Variants in MIPEP observed in about 807,000 individuals in gnomAD.
The protein encoded by MIPEP is mitochondrial intermediate peptidase.
MIPEP carries 79 observed loss-of-function variants against 90.3 expected under a neutral mutation model. The observed-to-expected ratio is 0.87, with a 90% CI of 0.73 to 1.05. The LOEUF is 1.05. MIPEP is among the 50% of genes least tolerant of loss of function. The pLI is 0.00. For synonymous variants in MIPEP, 334 were observed against 315.8 expected (o/e 1.06, Z -0.61); for missense variants, 940 against 905.6 (o/e 1.04, Z -0.49).
intron 1 of MIPEP, among the ~76,000 whole-genome samples, chr13:23,887,387 C>G (rs1385251665): frequency 4.6e-5 from 7 of 152,208 alleles, no homozygotes; most frequent in Non-Finnish European, 1.0e-4. Flanking sequence ...CACAATCCTA[C>G]AGAACAGAGT....
rs77024514 is a variant in MIPEP, at chr13:23,871,383, T to C, written c.604-1188A>G. ...AGGAGAAGGGCTGAATTTTCAGTTA[T>C]TGGCTACTCAAAAACTAGACAGGCT... On this transcript the variant is annotated intron_variant, in intron 5 of 18. Transcript: ENST00000382172. Among the ~76,000 whole-genome samples the C allele has an allele frequency of 4.3e-3, 657 of 152,302 alleles. 8 individuals carry two copies. Among genetic ancestry groups the C allele is most frequent in the African/African-American group, 0.015 (604 of 41,564 alleles).
chr13:23,793,798 G>C (rs1184783715), intron 16 of MIPEP, among the ~76,000 whole-genome samples: 2 of 151,646 alleles, frequency 1.3e-5, no homozygotes, highest in Admixed American at 6.6e-5. Context: ...AGAAGGCAAA[G>C]GGAGCAGAAA....
chr13:23,854,287 C>T (rs1869953040), intron 10 of MIPEP, among the ~76,000 whole-genome samples: 1 of 141,214 alleles, frequency 7.1e-6, no homozygotes, highest in Non-Finnish European at 1.5e-5. Context: ...TTTTCTTAAA[C>T]AATTTTTTCT....
At chr13:23,756,485 A>T (rs747015380) in intron 18 of MIPEP, 60 bp downstream of exon 18, 6 of 1,533,198 alleles carry the variant, frequency 3.9e-6, no homozygotes, top group Non-Finnish European at 3.6e-6. Flanking sequence ...TGAAAAAAAC[A>T]TATGGAGAAA....
intron 17 of MIPEP, 62 bp downstream of exon 17, chr13:23,760,034 T>C: frequency 1.9e-6 from 3 of 1,605,174 alleles, no homozygotes; most frequent in Non-Finnish European, 2.6e-6. Context: ...GACTTCCAGA[T>C]GTAATAGAGT....
intron 9 of MIPEP, among the ~76,000 whole-genome samples, chr13:23,860,645 T>C (rs1206362023): frequency 7.0e-6 from 1 of 142,984 alleles, no homozygotes. Context: ...ATCTGCTTTT[T>C]AGACAAATCC....
At chr13:23,849,355 C>A (rs567309632) in intron 10 of MIPEP, among the ~76,000 whole-genome samples, 1 of 152,330 alleles carries the variant, frequency 6.6e-6, no homozygotes, top group African/African-American at 2.4e-5. Flanking sequence ...GGCTTCAGTG[C>A]CATCCCTGTC....
chr13:23,810,444 G>A (rs1566001775), intron 14 of MIPEP, among the ~76,000 whole-genome samples: 1 of 152,178 alleles, frequency 6.6e-6, no homozygotes, highest in South Asian at 2.1e-4. Context: ...GAACTGTAGA[G>A]CTTGGACACT....
chr13:23,731,398 A>C (rs1472957588), intron 18 of MIPEP, among the ~76,000 whole-genome samples: 1 of 152,216 alleles, frequency 6.6e-6, no homozygotes, highest in East Asian at 1.9e-4. Context: ...AGGCTCAGTC[A>C]CAACATGAAG....
chr13:23,819,718 T>A (rs1429504359), intron 14 of MIPEP, among the ~76,000 whole-genome samples: 14 of 149,666 alleles, frequency 9.4e-5, no homozygotes, highest in East Asian at 7.8e-4. Context: ...AAAAAAAAAA[T>A]AGAAAAAAAG....
At chr13:23,833,498 G>A (rs914331486) in intron 14 of MIPEP, among the ~76,000 whole-genome samples, 4 of 152,056 alleles carry the variant, frequency 2.6e-5, no homozygotes, top group African/African-American at 9.7e-5. Flanking sequence ...CATCTATCTT[G>A]GATTAGATTT....
intron 16 of MIPEP, among the ~76,000 whole-genome samples, chr13:23,797,429 C>T (rs185455120): frequency 6.6e-6 from 1 of 152,110 alleles, no homozygotes; most frequent in Non-Finnish European, 1.5e-5. Context: ...CAGCTACCAC[C>T]CCTCCTGTAC....
chr13:23,801,331 T>C (rs971665954), intron 16 of MIPEP, among the ~76,000 whole-genome samples: 1 of 152,184 alleles, frequency 6.6e-6, no homozygotes, highest in African/African-American at 2.4e-5. Context: ...TGCACTGTTC[T>C]CAGGTCTGTT....
rs890641277 is a variant in MIPEP at position 23,797,984 on chromosome 13, C to T, written c.1848+7966G>A. 6.6e-5 allele frequency among the ~76,000 whole-genome samples: 10 copies of T among 152,280 alleles called. No individual in the cohort carries two copies. The South Asian group carries it at 1.0e-3, about 16-fold the overall frequency. ...CAAATACACATCTAAAAGGCTATTT[C>T]GAATACAGGCTCCATGAGAGCAAGG... On this transcript the variant is annotated intron_variant, in intron 16 of 18. Transcript: ENST00000382172.
chr13:23,835,902 A>G (rs1024278438), intron 14 of MIPEP, among the ~76,000 whole-genome samples: 8 of 152,234 alleles, frequency 5.3e-5, no homozygotes, highest in African/African-American at 1.9e-4. Context: ...TAGAAGTGAG[A>G]CAGGCTCGAA....
chr13:23,803,682 T>C (rs1257343866), intron 16 of MIPEP, among the ~76,000 whole-genome samples: 1 of 152,226 alleles, frequency 6.6e-6, no homozygotes, highest in Non-Finnish European at 1.5e-5. Flanking sequence ...ACACCAGTGT[T>C]AGACTGTCTT....
At chr13:23,876,824 AGT>A (rs1304765058) in intron 4 of MIPEP, among the ~76,000 whole-genome samples, 2 of 152,162 alleles carry the variant, frequency 1.3e-5, no homozygotes, top group Non-Finnish European at 2.9e-5. Flanking sequence ...CAAGATTACC[AGT>A]AGTTTTATAA....
chr13:23,823,973 G>A lies in MIPEP; in HGVS notation c.1653+12267C>T, dbSNP rs1013687879. On this transcript the variant is annotated intron_variant, in intron 14 of 18. Coordinates refer to ENST00000382172, the MANE Select transcript of MIPEP (RefSeq NM_005932.4). ...ATACTGCCTTACCAAAGAGAGGAAG[G>A]TGTCAACTGTATCCTTGGGGTAAAC... Among the ~76,000 whole-genome samples, 7 of 152,222 alleles carry A rather than the reference G, an allele frequency of 4.6e-5. No homozygotes were observed. In the East Asian group the frequency reaches 1.3e-3, roughly 29 times the overall value.
At chr13:23,790,544 C>A (rs767377) in intron 16 of MIPEP, among the ~76,000 whole-genome samples, 115,626 of 152,112 alleles carry the variant, frequency 0.76, 44,427 homozygotes, top group East Asian at 1. Flanking sequence ...ACGCCCTAGT[C>A]AGAACCACAA....
Sources: gnomAD v4.1 joint callset for allele counts (sites outside exome capture counted in the v4.1 genomes callset) on GRCh38, gnomAD v4.1.1 for gene constraint, MANE v1.5 for transcripts, NCBI Gene and HGNC (gene_info 2026-07-23, HGNC 2026-07-21) for gene names.